Variants in CEP128 observed in about 807,000 individuals in gnomAD.
CEP128 encodes the protein centrosomal protein 128.
Under a neutral mutation model 156.7 loss-of-function variants are expected in CEP128, and 132 were observed. The ratio of observed to expected loss-of-function variants is 0.84; its 90% confidence interval spans 0.73 to 0.97. CEP128 has a LOEUF of 0.97. Among genes scored for constraint, CEP128 ranks in the 50% least tolerant of loss-of-function variants. CEP128 has a pLI of 0.00. For missense variants in CEP128, 1,252 were observed against 1,281.9 expected (o/e 0.98, Z 0.36); for synonymous variants, 469 against 448.9 (o/e 1.04, Z -0.57).
intron 8 of CEP128, among the ~76,000 whole-genome samples, chr14:80,865,241 G>C (rs567214056): frequency 5.9e-5 from 9 of 152,242 alleles, no homozygotes; most frequent in African/African-American, 2.2e-4. Flanking sequence ...TCCATTTGTT[G>C]CTGCAAATGA....
chr14:80,552,913 A>T (rs1481024296), intron 21 of CEP128, among the ~76,000 whole-genome samples: 1 of 152,062 alleles, frequency 6.6e-6, no homozygotes, highest in Non-Finnish European at 1.5e-5. Flanking sequence ...TAACATGGTA[A>T]CTTGAGTCAC....
At chr14:80,677,564 G>A (rs896780196) in intron 19 of CEP128, among the ~76,000 whole-genome samples, 31 of 144,698 alleles carry the variant, frequency 2.1e-4, no homozygotes, top group South Asian at 6.6e-4. Flanking sequence ...GGTTTTAATA[G>A]AATATAGTAA....
intron 21 of CEP128, among the ~76,000 whole-genome samples, chr14:80,547,113 T>C (rs1566771746): frequency 6.6e-6 from 1 of 152,204 alleles, no homozygotes; most frequent in African/African-American, 2.4e-5. Flanking sequence ...TTAATATCAC[T>C]GACAAAGCTC....
At chr14:80,835,430 G>A (rs893513145) in intron 12 of CEP128, among the ~76,000 whole-genome samples, 2 of 152,152 alleles carry the variant, frequency 1.3e-5, no homozygotes, top group African/African-American at 4.8e-5. Flanking sequence ...TATTTGGAAA[G>A]CCTGGGGCAA....
chr14:80,625,216 G>T (rs1457134050), intron 19 of CEP128, among the ~76,000 whole-genome samples: 1 of 152,086 alleles, frequency 6.6e-6, no homozygotes, highest in Non-Finnish European at 1.5e-5. Context: ...ACACATTGGG[G>T]AATGTATGTT....
chr14:80,725,984 C>CTAGA (rs1297296958), intron 19 of CEP128, among the ~76,000 whole-genome samples: 1 of 152,152 alleles, frequency 6.6e-6, no homozygotes, highest in Non-Finnish European at 1.5e-5. Context: ...GTATAAGGTA[C>CTAGA]TATCTATAAA....
intron 19 of CEP128, among the ~76,000 whole-genome samples, chr14:80,615,707 G>C (rs1893181066): frequency 6.6e-6 from 1 of 152,126 alleles, no homozygotes; most frequent in South Asian, 2.1e-4. Flanking sequence ...AAATTAGCCA[G>C]GCATGGTGGC....
intron 20 of CEP128, among the ~76,000 whole-genome samples, chr14:80,569,957 G>T: frequency 6.6e-6 from 1 of 152,076 alleles, no homozygotes; most frequent in Non-Finnish European, 1.5e-5. Flanking sequence ...GAGATCCTGG[G>T]ATAGGAATGG....
chr14:80,912,171 C>A (rs1425183685), intron 4 of CEP128, among the ~76,000 whole-genome samples: 1 of 151,286 alleles, frequency 6.6e-6, no homozygotes, highest in Non-Finnish European at 1.5e-5. Flanking sequence ...GAGCTGAGAT[C>A]GCGCCACTGC....
chr14:80,668,901 C>T (rs138928286), intron 19 of CEP128, among the ~76,000 whole-genome samples: 2 of 152,120 alleles, frequency 1.3e-5, no homozygotes, highest in African/African-American at 2.4e-5. Context: ...AGGAAGTTCC[C>T]CTGCACAAGC....
intron 13 of CEP128, among the ~76,000 whole-genome samples, chr14:80,810,215 C>T (rs1483864939): frequency 6.8e-6 from 1 of 146,192 alleles, no homozygotes; most frequent in Non-Finnish European, 1.5e-5. Flanking sequence ...CCCAACCACT[C>T]GGGAGGCTGA....
intron 13 of CEP128, chr14:80,822,732 T>C (rs1885257402): frequency 5.9e-6 from 5 of 841,816 alleles, no homozygotes; most frequent in Non-Finnish European, 1.0e-5. Flanking sequence ...AATAGCCCTG[T>C]AGAAAATGGA....
At chr14:80,656,200 A>C (rs1353406944) in intron 19 of CEP128, among the ~76,000 whole-genome samples, 2 of 148,670 alleles carry the variant, frequency 1.3e-5, no homozygotes, top group African/African-American at 4.9e-5. Context: ...CATCAAATTT[A>C]ATGAGTTACA....
chr14:80,735,970 T>C (rs1311407594), intron 19 of CEP128, among the ~76,000 whole-genome samples: 25 of 152,164 alleles, frequency 1.6e-4, no homozygotes. Context: ...AGAACCTTAA[T>C]TTTTTCCAGC....
At chr14:80,785,921 T>C (rs1481892751) in intron 14 of CEP128, among the ~76,000 whole-genome samples, 1 of 152,108 alleles carries the variant, frequency 6.6e-6, no homozygotes, top group East Asian at 1.9e-4. Context: ...TTACCTAAAA[T>C]AATACTGATG....
At chr14:80,933,676 C>A (rs1885617270) in intron 2 of CEP128, among the ~76,000 whole-genome samples, 2 of 152,098 alleles carry the variant, frequency 1.3e-5, no homozygotes, top group African/African-American at 4.8e-5. Context: ...TGTTTAGGGG[C>A]AAATGCTGAG....
intron 19 of CEP128, among the ~76,000 whole-genome samples, chr14:80,708,170 G>A (rs895014003): frequency 3.3e-5 from 5 of 152,116 alleles, no homozygotes; most frequent in Non-Finnish European, 5.9e-5. Flanking sequence ...AGATAGTGCC[G>A]CATAAGAAGC....
At chr14:80,908,715 T>G (rs1884032303) in intron 4 of CEP128, among the ~76,000 whole-genome samples, 1 of 152,192 alleles carries the variant, frequency 6.6e-6, no homozygotes, top group South Asian at 2.1e-4. Context: ...TGATAGACAT[T>G]TTACATGAGA....
chr14:80,743,347 T>C (rs1037814611), intron 18 of CEP128, 80 bp from the exon 19 acceptor site: 2 of 1,160,466 alleles, frequency 1.7e-6, no homozygotes, highest in African/African-American at 1.6e-5. Flanking sequence ...AAAAAATAAG[T>C]AACATAATTT....
Sources: allele counts gnomAD v4.1 joint callset (sites outside exome capture counted in the v4.1 genomes callset), GRCh38; gene constraint gnomAD v4.1.1; transcripts MANE v1.5; gene names NCBI Gene and HGNC (gene_info 2026-07-23, HGNC 2026-07-21).